Variants in TMEM260 observed in about 807,000 individuals in gnomAD.
TMEM260 encodes the protein protein O-mannosyl-transferase TMEM260.
In TMEM260, 82 loss-of-function variants were observed where a neutral mutation model predicts 88.9. The ratio of observed to expected loss-of-function variants is 0.92; its 90% CI spans 0.77 to 1.11. The LOEUF (loss-of-function observed/expected upper bound fraction) is 1.11. Among genes scored for constraint, TMEM260 ranks in the 50% least tolerant of loss-of-function variants. TMEM260 has a pLI of 0.00. For missense variants in TMEM260, 902 were observed against 853.4 expected (o/e 1.06, Z -0.71); for synonymous variants, 314 against 309.3 (o/e 1.02, Z -0.16).
In TMEM260 at chr14:56,647,650, G is replaced by A; in HGVS notation, c.*153G>A. On this transcript the variant is annotated 3_prime_UTR_variant, in exon 16 of 16. Coordinates refer to ENST00000261556, the MANE Select transcript of TMEM260 (RefSeq NM_017799.4). ...ATGGTCCAGCAGTACTGTTTAATGG[G>A]GTATTCAGTGACTAAGGTCTGCTAT... 1 of 785,556 alleles carries A rather than the reference G, an allele frequency of 1.3e-6. No homozygotes were observed. 48.7% of individuals were successfully genotyped at this position (785,556 alleles called of 1,614,324 possible).
chr14:56,590,233 A>T (rs530126116), intron 3 of TMEM260, among the ~76,000 whole-genome samples: 1 of 152,334 alleles, frequency 6.6e-6, no homozygotes, highest in Admixed American at 6.5e-5. Context: ...TATTAGGCTC[A>T]AATAGCAGCG....
intron 3 of TMEM260, among the ~76,000 whole-genome samples, chr14:56,596,794 A>AAAAAAAAAAT (rs59623466): frequency 9.9e-4 from 135 of 136,278 alleles, no homozygotes; most frequent in African/African-American, 3.7e-3. Context: ...TAAAAAAAAA[A>AAAAAAAAAAT]ATATATATAT....
chr14:56,587,538 G>A (rs561643050), intron 3 of TMEM260, among the ~76,000 whole-genome samples: 2 of 151,870 alleles, frequency 1.3e-5, no homozygotes, highest in Admixed American at 1.3e-4. Context: ...AGCCTGTAAC[G>A]CTTTTCTTTT....
At chr14:56,653,852 G>A (rs1440668252), downstream of TMEM260, among the ~76,000 whole-genome samples, 3 of 151,578 alleles carry the variant, frequency 2.0e-5, no homozygotes, top group African/African-American at 7.3e-5. Context: ...TACTAAACAA[G>A]TGACTTGATT....
At chr14:56,616,055 A>G in intron 8 of TMEM260, 28 bp downstream of exon 8, 1 of 1,501,342 alleles carries the variant, frequency 6.7e-7, no homozygotes, top group Non-Finnish European at 9.3e-7. Context: ...TTTTTCTGTT[A>G]TTTTTCTATG....
chr14:56,632,581 T>TA (rs397830295), intron 12 of TMEM260, among the ~76,000 whole-genome samples: 1 of 151,930 alleles, frequency 6.6e-6, no homozygotes, highest in Non-Finnish European at 1.5e-5. Context: ...GAGCTTTTTT[T>TA]ATCCTTATTT....
At chr14:56,642,736 A>G (rs886435011) in intron 15 of TMEM260, among the ~76,000 whole-genome samples, 8 of 152,360 alleles carry the variant, frequency 5.3e-5, no homozygotes, top group Middle Eastern at 3.4e-3. Flanking sequence ...TTTTTTGAAA[A>G]GATCAACAAA....
At chr14:56,651,731 G>A (rs1000880854), downstream of TMEM260, among the ~76,000 whole-genome samples, 27 of 152,278 alleles carry the variant, frequency 1.8e-4, no homozygotes, top group Admixed American at 1.6e-3. Flanking sequence ...ATGAGGATAA[G>A]TATAATAAAA....
chr14:56,611,328 G>GT (rs2139573073), intron 6 of TMEM260, among the ~76,000 whole-genome samples: 1 of 152,206 alleles, frequency 6.6e-6, no homozygotes, highest in Non-Finnish European at 1.5e-5. Flanking sequence ...ACTGACTTCT[G>GT]TTTAAAAATT....
chr14:56,643,775 C>T (rs983652954), intron 15 of TMEM260, among the ~76,000 whole-genome samples: 5 of 152,164 alleles, frequency 3.3e-5, no homozygotes, highest in Non-Finnish European at 5.9e-5. Flanking sequence ...TGTCTCAGCC[C>T]AAAATCTCCT....
chr14:56,594,778 A>C (rs1032073627), intron 3 of TMEM260, among the ~76,000 whole-genome samples: 1 of 152,254 alleles, frequency 6.6e-6, no homozygotes, highest in African/African-American at 2.4e-5. Context: ...AAGAAAGATT[A>C]CTTAAATCAG....
intron 6 of TMEM260, among the ~76,000 whole-genome samples, 174 bp from the exon 7 acceptor site, chr14:56,612,071 A>G (rs1887314392): frequency 6.6e-6 from 1 of 152,174 alleles, no homozygotes; most frequent in Admixed American, 6.5e-5. Flanking sequence ...CTGTACACCA[A>G]ACTCCCTTGA....
At chr14:56,586,020 C>T (rs1469724472) in intron 3 of TMEM260, 108 bp downstream of exon 3, 10 of 1,121,848 alleles carry the variant, frequency 8.9e-6, no homozygotes, top group South Asian at 3.1e-5. Flanking sequence ...GTTTCCCTAA[C>T]ACATGTGATT....
intron 3 of TMEM260, among the ~76,000 whole-genome samples, chr14:56,590,068 G>A (rs1885756492): frequency 1.3e-5 from 2 of 152,258 alleles, no homozygotes; most frequent in South Asian, 4.1e-4. Context: ...GGAAAGTACT[G>A]GAGCGTTAAT....
chr14:56,584,176 GC>G (rs1318299563), intron 1 of TMEM260, among the ~76,000 whole-genome samples: 1 of 152,126 alleles, frequency 6.6e-6, no homozygotes, highest in Admixed American at 6.6e-5. Flanking sequence ...GAAATTAAAT[GC>G]AGAGTATTGC....
intron 3 of TMEM260, among the ~76,000 whole-genome samples, chr14:56,586,804 C>T (rs1206804204): frequency 6.6e-6 from 1 of 151,772 alleles, no homozygotes; most frequent in African/African-American, 2.4e-5. Flanking sequence ...TAGCCAAATT[C>T]TAAATTCTCT....
chr14:56,633,176 G>T lies in TMEM260; in HGVS notation c.1724+5G>T. 2 of 1,605,280 alleles carry T rather than the reference G, an allele frequency of 1.2e-6. No individual in the cohort carries two copies. Among genetic ancestry groups the T allele is most frequent in the South Asian group, 2.2e-5 (2 of 89,940 alleles). On this transcript the variant is annotated splice_donor_5th_base_variant and intron_variant, in intron 13 of 15. Coordinates refer to ENST00000261556, the MANE Select transcript of TMEM260 (RefSeq NM_017799.4). ...CTGGACCGAAGAATATGGAAGGTATGAACAGCAGTTGTATTTTGATGCATA... is the reference window on the plus strand; with the variant it reads ...CTGGACCGAAGAATATGGAAGGTATTAACAGCAGTTGTATTTTGATGCATA...
chr14:56,585,795 T>C lies in TMEM260; in HGVS notation c.227T>C (p.Leu76Pro), dbSNP rs1472777207. 13 of 1,613,192 alleles carry C rather than the reference T, an allele frequency of 8.1e-6. No individual in the cohort carries two copies. Among genetic ancestry groups the C allele is most frequent in the African/African-American group, 4.0e-5 (3 of 74,702 alleles). The change falls in exon 3 of 16, where the codon CTG (leucine) becomes CCG (proline). Residue 76 changes from leucine to proline, a missense_variant. Physicochemically the swap from Leu to Pro is moderately conservative, Grantham distance 98. Transcript: ENST00000261556. ...CCTCCTGGCTATCCTTTGTTCACGCTGGTGGCTAAACTGGCAATTACACTG... is the reference window on the plus strand; with the variant it reads ...CCTCCTGGCTATCCTTTGTTCACGCCGGTGGCTAAACTGGCAATTACACTG... ...AHPPGYPLFT[L>P]VAKLAITLFP... is the part of the protein sequence containing the mutation.
chr14:56,608,326 A>G (rs1259498403), intron 5 of TMEM260, among the ~76,000 whole-genome samples: 1 of 152,220 alleles, frequency 6.6e-6, no homozygotes, highest in African/African-American at 2.4e-5. Flanking sequence ...CCCAGTTACT[A>G]AAGTAAGCAG....
Sources: allele counts gnomAD v4.1 joint callset (sites outside exome capture counted in the v4.1 genomes callset), GRCh38; gene constraint gnomAD v4.1.1; transcripts MANE v1.5; gene names NCBI Gene and HGNC (gene_info 2026-07-23, HGNC 2026-07-21).